SIGLEC15: variants seen among roughly 807,000 people sequenced by gnomAD.
SIGLEC15 encodes sialic acid binding Ig like lectin 15.
SIGLEC15 carries 31 observed loss-of-function variants against 26.2 expected under a neutral mutation model. The ratio of observed to expected loss-of-function variants is 1.18; its 90% CI spans 0.89 to 1.60. The LOEUF is 1.60. Ranked by LOEUF, SIGLEC15 falls within the 40% of genes most tolerant of loss-of-function variation. SIGLEC15 has a pLI of 0.00. For missense variants in SIGLEC15, 501 were observed against 488.4 expected, an observed-to-expected ratio of 1.03 and a Z score of -0.24; for synonymous variants, 207 against 221.9, an observed-to-expected ratio of 0.93 and a Z score of 0.60.
chr18:45,837,481 C>G, intron 2 of SIGLEC15, 32 bp from the exon 3 acceptor site: 1 of 1,448,478 alleles, frequency 6.9e-7, no homozygotes, highest in Non-Finnish European at 9.0e-7. Context: ...ACCCCAGGGC[C>G]CCGAGCCTGA....
intron 1 of SIGLEC15, among the ~76,000 whole-genome samples, chr18:45,829,473 G>T (rs562302242): frequency 6.6e-6 from 1 of 152,172 alleles, no homozygotes; most frequent in African/African-American, 2.4e-5. Context: ...CAAACCAAGG[G>T]GCAGGAGGGG....
intron 3 of SIGLEC15, 73 bp from the exon 4 acceptor site, chr18:45,838,645 C>A (rs1421224147): frequency 3.5e-6 from 5 of 1,449,048 alleles, no homozygotes; most frequent in South Asian, 1.4e-5. Context: ...AGCCCCCACC[C>A]CTCCGGCTCT....
chr18:45,831,984 G>A (rs934990367), intron 1 of SIGLEC15, among the ~76,000 whole-genome samples: 8 of 152,246 alleles, frequency 5.3e-5, no homozygotes, highest in South Asian at 2.1e-4. Context: ...CACCTGCCTC[G>A]GCCTCCCAAA....
intron 2 of SIGLEC15, among the ~76,000 whole-genome samples, 183 bp downstream of exon 2, chr18:45,837,271 G>A (rs2048282956): frequency 6.6e-6 from 1 of 152,236 alleles, no homozygotes; most frequent in South Asian, 2.1e-4. Flanking sequence ...GAAGAGCCGC[G>A]GGAACGCAGG....
rs537103747 is a variant in SIGLEC15, at chr18:45,827,643, A to G, written c.52+1863A>G. ...TAAACTGGGGTCCCTGCCACCTTGA[A>G]GAGGAGCTGGGGAGATTCATTAGAC... is the stretch of plus-strand genomic sequence containing the variant. On this transcript the variant is annotated intron_variant, in intron 1 of 5. Transcript: ENST00000389474. Among the ~76,000 whole-genome samples, 7 of 152,316 alleles carry G rather than the reference A, an allele frequency of 4.6e-5. No individual in the cohort carries two copies. The South Asian group carries it at 1.2e-3, about 27-fold the overall frequency.
chr18:45,830,946 T>A (rs1437614892), intron 1 of SIGLEC15, among the ~76,000 whole-genome samples: 1 of 152,176 alleles, frequency 6.6e-6, no homozygotes, highest in East Asian at 1.9e-4. Flanking sequence ...GTCATTTTTA[T>A]CCAAGTATCA....
At position 45,837,563 on chromosome 18, in the gene SIGLEC15, G is replaced by T; in HGVS notation, c.163G>T (p.Glu55Ter). ...GCAGGTGCCACCCGAGGTGAGCGCG[G>T]AGGCAGGCGACGCGGCAGTGCTGCC... is the stretch of plus-strand genomic sequence containing the variant. ...SMQVPPEVSA[E>*]AGDAAVLPCT... is the part of the protein sequence containing the mutation. The change falls in exon 3 of 6, where the codon GAG (glutamate) becomes TAG (stop). Residue 55 changes from glutamate (E) to a stop codon, truncating the protein, a stop_gained. Transcript: ENST00000389474. LOFTEE classifies it high-confidence loss of function. The T allele has an allele frequency of 6.6e-7, 1 of 1,516,382 alleles. No homozygotes were observed. Among genetic ancestry groups the T allele is most frequent in the Admixed American group, 2.0e-5 (1 of 49,466 alleles). 93.9% of individuals were successfully genotyped at this position (1,516,382 alleles called of 1,614,324 possible).
rs1453264109 is a variant in SIGLEC15, at chr18:45,842,927, G to A, written c.*740G>A. The A allele has an allele frequency of 2.6e-5, 4 of 152,474 alleles. No homozygotes were observed. Among genetic ancestry groups the A allele is most frequent in the Non-Finnish European group, 4.4e-5 (3 of 68,266 alleles). The allele number at this position is 152,474 out of a possible 1,614,324, so 9.4% of individuals were successfully genotyped here. A position where few individuals can be genotyped will look rare whatever the true frequency, so the allele number is the denominator to read the frequency against. Reference sequence around the variant, plus strand: ...TGTGGTCAGAGGAACATCAAATCCTGGAAACTTGGTGGCAGGGAGAGGCCT... The same window carrying A: ...TGTGGTCAGAGGAACATCAAATCCTAGAAACTTGGTGGCAGGGAGAGGCCT... On this transcript the variant is annotated 3_prime_UTR_variant, in exon 6 of 6. Coordinates refer to ENST00000389474, the MANE Select transcript of SIGLEC15 (RefSeq NM_213602.3).
chr18:45,835,786 G>A lies in SIGLEC15; in HGVS notation c.53-1243G>A, dbSNP rs369222324. The stretch of plus-strand genomic sequence containing the variant: ...CCCAGGGCAGCACTGTGGGACTCAC[G>A]GCACTGCAGGTCCAGCACACCTAGA... On this transcript the variant is annotated intron_variant, in intron 1 of 5. Transcript: ENST00000389474. 1.4e-3 allele frequency among the ~76,000 whole-genome samples: 218 copies of A among 152,262 alleles called. 2 individuals carry two copies. Among genetic ancestry groups the A allele is most frequent in the African/African-American group, 5.0e-3 (209 of 41,538 alleles).
At chr18:45,841,473 A>C (rs142907200) in intron 5 of SIGLEC15, among the ~76,000 whole-genome samples, 2,394 of 152,252 alleles carry the variant, frequency 0.016, 57 homozygotes, top group African/African-American at 0.049. Flanking sequence ...TTTTAAGCGG[A>C]CGCATGGCTC....
At chr18:45,840,563 C>A (rs1555657124) in intron 5 of SIGLEC15, among the ~76,000 whole-genome samples, 1 of 152,218 alleles carries the variant, frequency 6.6e-6, no homozygotes, top group Non-Finnish European at 1.5e-5. Context: ...CCGTTCCCCC[C>A]TGGCACTCTG....
Position 45,837,067 on chromosome 18 carries a change from T to G in SIGLEC15, c.91T>G (p.Leu31Val), listed in dbSNP as rs1264081519. The change falls in exon 2 of 6, where the codon TTG becomes GTG. Residue 31 changes from leucine (L) to valine (V), a missense_variant. Coordinates refer to ENST00000389474, the MANE Select transcript of SIGLEC15 (RefSeq NM_213602.3). ...VRTKIDTTEN[L>V]LNTEVHSSPA... is the part of the protein sequence containing the mutation. ...AACTAAAATAGATACTACGGAGAAC[T>G]TGCTCAACACAGAGGTGCACAGTAA... is the stretch of plus-strand genomic sequence containing the variant. 8.1e-6 allele frequency: 13 copies of G among 1,599,512 alleles called. No homozygotes were observed. The highest frequency in any genetic ancestry group is 1.0e-5 in the Non-Finnish European group (12 of 1,167,070).
chr18:45,841,201 C>T (rs116817940), intron 5 of SIGLEC15: 1 of 152,586 alleles, frequency 6.6e-6, no homozygotes, highest in South Asian at 2.1e-4. Flanking sequence ...AGATCAAGTT[C>T]TCTTGGAGGA....
intron 1 of SIGLEC15, 136 bp downstream of exon 1, chr18:45,825,916 T>TTC: frequency 9.8e-7 from 1 of 1,024,874 alleles, no homozygotes; most frequent in Non-Finnish European, 1.5e-6. Context: ...AGAGCTGCGC[T>TTC]TGGGGCCTGT....
intron 1 of SIGLEC15, among the ~76,000 whole-genome samples, chr18:45,827,963 G>A (rs141479206): frequency 8.8e-4 from 134 of 152,292 alleles, no homozygotes; most frequent in African/African-American, 3.1e-3. Flanking sequence ...CGCGTGAGCC[G>A]ACTCAGCTGC....
At chr18:45,835,089 G>C (rs1181244583) in intron 1 of SIGLEC15, among the ~76,000 whole-genome samples, 1 of 151,964 alleles carries the variant, frequency 6.6e-6, no homozygotes, top group African/African-American at 2.4e-5. Context: ...AAAAAAAAAA[G>C]GAGATTAGGC....
rs2145091001 is a variant in SIGLEC15, at chr18:45,843,048, GC to G, written c.*862del. The stretch of plus-strand genomic sequence containing the variant: ...CATCAGCTGCCCTGCATTGCCTTGA[GC>G]TGGGACCCCTAGGAAATGGAAACCA... On this transcript the variant is annotated 3_prime_UTR_variant, in exon 6 of 6. Transcript: ENST00000389474. 6.6e-6 allele frequency: 1 copy of G among 152,400 alleles called. No homozygotes were observed. The highest frequency in any genetic ancestry group is 2.4e-5 in the African/African-American group (1 of 41,548). 9.4% of individuals were successfully genotyped at this position (152,400 alleles called of 1,614,324 possible).
intron 4 of SIGLEC15, 69 bp downstream of exon 4, chr18:45,839,164 A>G (rs1733305899): frequency 2.2e-6 from 3 of 1,335,934 alleles, no homozygotes; most frequent in Non-Finnish European, 1.9e-6. Flanking sequence ...AGATAAGACC[A>G]CCTGGCTGAC....
At chr18:45,840,301 G>A in intron 5 of SIGLEC15, 60 bp downstream of exon 5, 20 of 1,551,368 alleles carry the variant, frequency 1.3e-5, no homozygotes, top group Non-Finnish European at 1.8e-5. Flanking sequence ...TCATCACCCA[G>A]GGGGTCCAGG....
Sources: gnomAD v4.1 joint callset for allele counts (sites outside exome capture counted in the v4.1 genomes callset) on GRCh38, gnomAD v4.1.1 for gene constraint, MANE v1.5 for transcripts, NCBI Gene and HGNC (gene_info 2026-07-23, HGNC 2026-07-21) for gene names.